KIF17: variants seen among roughly 807,000 people sequenced by gnomAD.
The protein encoded by KIF17 is kinesin family member 17, also known as kinesin-like protein KIF17.
Under a neutral mutation model 96.8 loss-of-function variants are expected in KIF17, and 80 were observed. The observed-to-expected ratio is 0.83, with a 90% CI of 0.69 to 1.00. The LOEUF (loss-of-function observed/expected upper bound fraction) is 1.00. KIF17 is among the 50% of genes least tolerant of loss of function. The pLI, the probability that KIF17 is intolerant of heterozygous loss-of-function variation, is 0.00. For synonymous variants in KIF17, 567 were observed against 587.5 expected (o/e 0.97, Z 0.51); for missense variants, 1,280 against 1,372.9 (o/e 0.93, Z 1.07).
chr1:20,684,963 C>G lies in KIF17; in HGVS notation c.2077G>C (p.Val693Leu). ...LEVVRTAEPGVWLEAQAPVAL... is the reference protein window; with the variant it reads ...LEVVRTAEPGLWLEAQAPVAL... ...ACCGGGGCCTGAGCCTCCAACCACA[C>G]GCCAGGCTCTGCTGTCCGCACCACC... is the stretch of plus-strand genomic sequence containing the variant. Residue 693 changes from valine to leucine, a missense_variant, in exon 10 of 15, where the codon GTG (valine) becomes CTG (leucine). Val to Leu is a conservative substitution (Grantham distance 32, BLOSUM62 1). Transcript: ENST00000400463. 6.2e-7 allele frequency: 1 copy of G among 1,605,532 alleles called. No homozygotes were observed. Among genetic ancestry groups the G allele is most frequent in the Non-Finnish European group, 8.5e-7 (1 of 1,176,264 alleles).
chr1:20,666,258 T>A lies in KIF17; in HGVS notation c.2864A>T (p.Lys955Met). 1 of 1,614,214 alleles carries A rather than the reference T, an allele frequency of 6.2e-7. No homozygotes were observed. The highest frequency in any genetic ancestry group is 8.5e-7 in the Non-Finnish European group (1 of 1,180,016). The change falls in exon 14 of 15, where the codon AAG (lysine) becomes ATG (methionine). Residue 955 changes from lysine to methionine, a missense_variant. By Grantham distance (95) the Lys-to-Met change is moderately conservative (BLOSUM62 -1). Transcript: ENST00000400463. The stretch of plus-strand genomic sequence containing the variant: ...TGTGCTGAGGATCTGGCTGGCCCGC[T>A]TAGATCGGAAGTAGTTGCTGGCAAT... ...ENIASNYFRSKRASQILSTDA... is the reference protein window; with the variant it reads ...ENIASNYFRSMRASQILSTDA...
chr1:20,678,744 C>G (rs1259322027), intron 11 of KIF17, among the ~76,000 whole-genome samples: 1 of 152,042 alleles, frequency 6.6e-6, no homozygotes, highest in Non-Finnish European at 1.5e-5. Flanking sequence ...CCACAAGGAG[C>G]AAGACAATCC....
At chr1:20,691,552 C>T (rs2054039055) in intron 6 of KIF17, among the ~76,000 whole-genome samples, 1 of 151,168 alleles carries the variant, frequency 6.6e-6, no homozygotes, top group South Asian at 2.1e-4. Context: ...CTCCCAGGTT[C>T]AAGCGATTCT....
intron 6 of KIF17, among the ~76,000 whole-genome samples, chr1:20,690,543 G>C (rs2154536308): frequency 6.6e-6 from 1 of 151,902 alleles, no homozygotes; most frequent in Non-Finnish European, 1.5e-5. Flanking sequence ...TTGTTTTTGA[G>C]ACAGGGTCTC....
chr1:20,683,919 C>T (rs506637), intron 10 of KIF17, among the ~76,000 whole-genome samples: 4,553 of 151,806 alleles, frequency 0.03, 215 homozygotes, highest in African/African-American at 0.1. Context: ...GTGAAGGCCC[C>T]CCAGCCTTCC....
intron 3 of KIF17, among the ~76,000 whole-genome samples, chr1:20,712,587 TA>T (rs1422099710): frequency 0.025 from 479 of 19,130 alleles, 39 homozygotes; most frequent in Non-Finnish European, 0.038. Flanking sequence ...ATTATCTATA[TA>T]TATATCTATA....
At chr1:20,703,478 AGATG>A (rs1177625894) in intron 5 of KIF17, among the ~76,000 whole-genome samples, 2 of 90,886 alleles carry the variant, frequency 2.2e-5, no homozygotes, top group South Asian at 4.9e-4. Flanking sequence ...GAGGATGGAT[AGATG>A]GATAGATGGA....
At chr1:20,714,293 C>T (rs1338730596) in intron 2 of KIF17, among the ~76,000 whole-genome samples, 1 of 151,404 alleles carries the variant, frequency 6.6e-6, no homozygotes, top group African/African-American at 2.4e-5. Context: ...CGCCACTGCA[C>T]TCCAGCCTGG....
rs2054393208 is a variant in KIF17, at chr1:20,709,208, C to T, written c.670+431G>A. ...GAGTTCAAGACCAACCTGGGCAACA[C>T]AGCAAGACCCCGTCTCTACAAAAAA... On this transcript the variant is annotated intron_variant, in intron 4 of 14. Coordinates refer to ENST00000400463, the MANE Select transcript of KIF17 (RefSeq NM_001122819.3). This position sits in a 1 kb window ranked among gnomAD's most constrained non-coding sequence, Gnocchi z 4.7. Among the ~76,000 whole-genome samples the T allele has an allele frequency of 2.6e-5, 4 of 152,124 alleles. No individual in the cohort carries two copies. Among genetic ancestry groups the T allele is most frequent in the Admixed American group, 2.0e-4 (3 of 15,268 alleles).
At chr1:20,711,405 G>A (rs765537301) in intron 3 of KIF17, among the ~76,000 whole-genome samples, 3 of 152,160 alleles carry the variant, frequency 2.0e-5, no homozygotes, top group Admixed American at 1.3e-4. Flanking sequence ...CTGGGGAGGC[G>A]CTGAGTGACA....
intron 11 of KIF17, among the ~76,000 whole-genome samples, chr1:20,678,782 A>T (rs1483696041): frequency 6.6e-6 from 1 of 152,154 alleles, no homozygotes; most frequent in Non-Finnish European, 1.5e-5. Context: ...CCTGAAAATG[A>T]GAAACTGATG....
chr1:20,699,959 T>C lies in KIF17; in HGVS notation c.1124-1471A>G, dbSNP rs759595588. On this transcript the variant is annotated intron_variant, in intron 5 of 14. Transcript: ENST00000400463. The surrounding 1 kb of genome is among the most constrained non-coding windows in gnomAD (Gnocchi z 4.3). ...GAACAGGCTCTCCCTGGCTGCTGCG[T>C]GGAGAGTGCACTGAGGGGAACCAGG... Among the ~76,000 whole-genome samples the C allele has an allele frequency of 1.3e-5, 2 of 152,150 alleles. No individual in the cohort carries two copies. Among genetic ancestry groups the C allele is most frequent in the African/African-American group, 4.8e-5 (2 of 41,434 alleles).
Position 20,664,443 on chromosome 1 carries a change from A to G in KIF17, c.*141T>C. The G allele has an allele frequency of 6.4e-7, 1 of 1,564,910 alleles. No individual in the cohort carries two copies. Among genetic ancestry groups the G allele is most frequent in the Non-Finnish European group, 8.6e-7 (1 of 1,158,672 alleles). ...GGGCTCTCTGGGGAACAGGGAAGGG[A>G]ATGTGTCTTCCCAGGGCTGAGGGAG... On this transcript the variant is annotated 3_prime_UTR_variant, in exon 15 of 15. Transcript: ENST00000400463.
At chr1:20,671,903 G>T in intron 12 of KIF17, 35 bp downstream of exon 12, 1 of 1,606,674 alleles carries the variant, frequency 6.2e-7, no homozygotes, top group South Asian at 1.1e-5. Flanking sequence ...CCGTGAAGGA[G>T]GGAGGGGAGG....
rs775119585 is a variant in KIF17, at chr1:20,713,496, A to G, written c.438T>C (p.Asp146=). Residue 146 remains aspartate, a synonymous_variant, in exon 3 of 15, where the codon GAT becomes GAC. Transcript: ENST00000400463. ...TGTCAGCCCCAAGGAGGTCCCGGAC[A>G]TCTTCATTGTAGATCTCCAGGTAGG... ...RASYLEIYNE[D]VRDLLGADTK... 6 of 1,613,358 alleles carry G rather than the reference A, an allele frequency of 3.7e-6. 1 individual carries two copies. Among genetic ancestry groups the G allele is most frequent in the South Asian group, 3.3e-5 (3 of 91,066 alleles).
At chr1:20,665,607 G>T (rs2053514014) in intron 14 of KIF17, among the ~76,000 whole-genome samples, 1 of 151,770 alleles carries the variant, frequency 6.6e-6, no homozygotes, top group Non-Finnish European at 1.5e-5. Context: ...CACCATGTTG[G>T]CCAGGCTTGT....
At chr1:20,678,008 T>C (rs1217286831) in intron 11 of KIF17, among the ~76,000 whole-genome samples, 1 of 152,248 alleles carries the variant, frequency 6.6e-6, no homozygotes, top group Non-Finnish European at 1.5e-5. Flanking sequence ...TGTGTGTGTG[T>C]ATATTGGTCT....
Position 20,717,852 on chromosome 1 carries a change from CCCCT to C in KIF17, c.-150_-147del, listed in dbSNP as rs2054612681. 1 of 592,798 alleles carries C rather than the reference CCCCT, an allele frequency of 1.7e-6. No individual in the cohort carries two copies. Among genetic ancestry groups the C allele is most frequent in the African/African-American group, 5.7e-5 (1 of 17,424 alleles). 36.7% of individuals were successfully genotyped at this position (592,798 alleles called of 1,614,324 possible). ...GCGGGGCCGCGGCGGGGGGCGGGGA[CCCCT>C]CGGGGGGCGCCCCGGAGGGGAGCTG... On this transcript the variant is annotated 5_prime_UTR_variant, in exon 1 of 15. Transcript: ENST00000400463.
At chr1:20,711,964 C>T (rs770080042) in intron 3 of KIF17, among the ~76,000 whole-genome samples, 17 of 152,252 alleles carry the variant, frequency 1.1e-4, no homozygotes, top group Middle Eastern at 6.8e-3. Context: ...GAGCCATCTG[C>T]ACATCCTCCA....
Sources: gnomAD v4.1 joint callset for allele counts (sites outside exome capture counted in the v4.1 genomes callset) on GRCh38, gnomAD v4.1.1 for gene constraint, Gnocchi (gnomAD v3.1) non-coding constraint, MANE v1.5 for transcripts, NCBI Gene and HGNC (gene_info 2026-07-23, HGNC 2026-07-21) for gene names.